Variants in QTMAN observed in about 807,000 individuals in gnomAD.
QTMAN encodes tRNA-queuosine alpha-mannosyltransferase.
At chr2:144,061,541 A>G in the QTMAN span, among the ~76,000 whole-genome samples, 2 of 152,172 alleles carry the variant, frequency 1.3e-5, no homozygotes, top group African/African-American at 4.8e-5. Context: ...ATGTAACAAA[A>G]ACTCTTCCTC....
At chr2:144,240,562 G>C in the QTMAN span, among the ~76,000 whole-genome samples, 1 of 152,172 alleles carries the variant, frequency 6.6e-6, no homozygotes, top group Non-Finnish European at 1.5e-5. Context: ...AAATTGTAAT[G>C]TGACTGCTTT....
chr2:144,032,551 T>C, the QTMAN span, among the ~76,000 whole-genome samples: 19 of 152,234 alleles, frequency 1.2e-4, no homozygotes, highest in East Asian at 3.7e-3. Context: ...GGAGACATCT[T>C]GGGAAAAAGA....
At chr2:144,109,782 A>G in the QTMAN span, among the ~76,000 whole-genome samples, 23 of 152,344 alleles carry the variant, frequency 1.5e-4, no homozygotes, top group African/African-American at 4.8e-4. Context: ...CAAAAGACAC[A>G]TGAAAAAATG....
At chr2:144,231,509 G>T in the QTMAN span, among the ~76,000 whole-genome samples, 1 of 151,958 alleles carries the variant, frequency 6.6e-6, no homozygotes, top group Non-Finnish European at 1.5e-5. Context: ...AAACTAAAAA[G>T]ATAATAGCTT....
the QTMAN span, among the ~76,000 whole-genome samples, chr2:144,246,579 CAAAAAAAAAAAAAA>C: frequency 4.2e-5 from 2 of 47,072 alleles, no homozygotes; most frequent in African/African-American, 1.7e-4. Flanking sequence ...GACTCCGTCT[CAAAAAAAAAAAAAA>C]AAAAAAAAAG....
chr2:144,328,488 G>C, the QTMAN span, among the ~76,000 whole-genome samples: 1 of 152,170 alleles, frequency 6.6e-6, no homozygotes, highest in Non-Finnish European at 1.5e-5. Flanking sequence ...AATCTTGCAG[G>C]CAAACTGAGT....
At chr2:144,206,201 T>A in the QTMAN span, among the ~76,000 whole-genome samples, 2 of 152,210 alleles carry the variant, frequency 1.3e-5, no homozygotes, top group African/African-American at 4.8e-5. Context: ...CTCGTATTTG[T>A]TCAGAGTATT....
chr2:144,099,016 G>T, the QTMAN span, among the ~76,000 whole-genome samples: 1 of 152,070 alleles, frequency 6.6e-6, no homozygotes, highest in Non-Finnish European at 1.5e-5. Flanking sequence ...TGTTAAAAAG[G>T]CATCAAAGAC....
chr2:143,975,697 T>C, the QTMAN span, among the ~76,000 whole-genome samples: 1 of 152,332 alleles, frequency 6.6e-6, no homozygotes, highest in African/African-American at 2.4e-5. Flanking sequence ...GCTACATCTT[T>C]CTCTGCTGTG....
the QTMAN span, among the ~76,000 whole-genome samples, chr2:143,974,983 C>G: frequency 2.0e-5 from 3 of 152,250 alleles, no homozygotes; most frequent in East Asian, 5.8e-4. Context: ...AATTTCCATA[C>G]TCTTGAGTAG....
chr2:144,094,100 A>G, the QTMAN span, among the ~76,000 whole-genome samples: 1 of 152,248 alleles, frequency 6.6e-6, no homozygotes, highest in East Asian at 1.9e-4. Flanking sequence ...GGGACTGTAC[A>G]ATGGTAACTT....
chr2:144,279,967 T>C, the QTMAN span, among the ~76,000 whole-genome samples: 1 of 151,974 alleles, frequency 6.6e-6, no homozygotes, highest in Non-Finnish European at 1.5e-5. Flanking sequence ...GAGAAGGTAA[T>C]AAAATTTGAA....
At chr2:144,331,425 C>A in the QTMAN span, among the ~76,000 whole-genome samples, 1 of 151,380 alleles carries the variant, frequency 6.6e-6, no homozygotes, top group Non-Finnish European at 1.5e-5. Flanking sequence ...ACCAAATAAC[C>A]AAGTGAGCCA....
At chr2:144,289,938 G>A in the QTMAN span, among the ~76,000 whole-genome samples, 5 of 152,094 alleles carry the variant, frequency 3.3e-5, no homozygotes, top group Admixed American at 6.5e-5. Context: ...TTCTCCATAC[G>A]TAGTGAACTG....
chr2:144,241,204 G>A, the QTMAN span, among the ~76,000 whole-genome samples: 3 of 152,302 alleles, frequency 2.0e-5, no homozygotes, highest in African/African-American at 7.2e-5. Context: ...CAGACCTAGT[G>A]AACCAGAAAC....
At chr2:144,247,169 C>G in the QTMAN span, among the ~76,000 whole-genome samples, 1 of 152,076 alleles carries the variant, frequency 6.6e-6, no homozygotes, top group Non-Finnish European at 1.5e-5. Context: ...CCAGAAGAGG[C>G]AGGTCTAGAG....
At chr2:144,007,383 T>C in the QTMAN span, 1 of 1,613,308 alleles carries the variant, frequency 6.2e-7, no homozygotes, top group East Asian at 2.2e-5. Context: ...AAGGCCACAG[T>C]GTGTATCACA....
chr2:144,245,727 T>TTTTTG, the QTMAN span, among the ~76,000 whole-genome samples: 1 of 152,158 alleles, frequency 6.6e-6, no homozygotes, highest in East Asian at 1.9e-4. Flanking sequence ...GTTAAAATTG[T>TTTTTG]TTCAGACTAT....
At chr2:144,157,583 G>A in the QTMAN span, among the ~76,000 whole-genome samples, 1 of 151,966 alleles carries the variant, frequency 6.6e-6, no homozygotes, top group African/African-American at 2.4e-5. Context: ...TAGAAAAGGA[G>A]AAAACACTTG....
Sources: allele counts gnomAD v4.1 joint callset (sites outside exome capture counted in the v4.1 genomes callset), GRCh38; gene constraint gnomAD v4.1.1; transcripts MANE v1.5; gene names NCBI Gene and HGNC (gene_info 2026-07-23, HGNC 2026-07-21).